The following ZNF580 variants were observed in gnomAD, a reference collection of about 807,000 sequenced individuals.
ZNF580 encodes LDL-induced EC protein.
A neutral mutation model predicts 1.3 loss-of-function variants in ZNF580; 1 was observed. The ratio of observed to expected loss-of-function variants is 0.77; its 90% CI spans 0.27 to 3.65. The LOEUF is 3.65. Ranked by LOEUF, ZNF580 falls within the 30% of genes most tolerant of loss-of-function variation. The probability of loss-of-function intolerance (pLI) is 0.19; values close to 1 mark genes in which losing one functional copy is unlikely to be tolerated. For missense variants in ZNF580, 268 were observed against 272.3 expected, an observed-to-expected ratio of 0.98 and a Z score of 0.11; for synonymous variants, 135 against 128.8, an observed-to-expected ratio of 1.05 and a Z score of -0.32.
At chr19:55,642,154 CAG>C in intron 1 of ZNF580, 1 of 1,056,308 alleles carries the variant, frequency 9.5e-7, no homozygotes, top group Non-Finnish European at 1.1e-6. Context: ...AAGAGGTAAA[CAG>C]ATTTAGGGAT....
chr19:55,642,576 C>A lies in ZNF580; in HGVS notation c.68C>A (p.Pro23His). The A allele has an allele frequency of 5.5e-6, 8 of 1,448,748 alleles. No homozygotes were observed. The highest frequency in any genetic ancestry group is 7.3e-6 in the Non-Finnish European group (8 of 1,100,902). 89.7% of individuals were successfully genotyped at this position (1,448,748 alleles called of 1,614,324 possible). A position where few individuals can be genotyped will look rare whatever the true frequency, so the allele number is the denominator to read the frequency against. The change falls in exon 2 of 2, where the codon CCC becomes CAC. Residue 23 changes from proline to histidine, a missense_variant. By Grantham distance (77) the Pro-to-His change is moderately conservative (BLOSUM62 -2). Transcript: ENST00000325333. ...SSSPEAMDPP[P>H]PKAPPFPKAE... Reference sequence around the variant, plus strand: ...TCTCCGGAGGCCATGGACCCACCGCCCCCCAAGGCTCCCCCTTTCCCCAAG... The same window carrying A: ...TCTCCGGAGGCCATGGACCCACCGCACCCCAAGGCTCCCCCTTTCCCCAAG...
intron 1 of ZNF580, among the ~76,000 whole-genome samples, chr19:55,641,516 A>C (rs1481263442): frequency 6.6e-6 from 1 of 152,154 alleles, no homozygotes; most frequent in African/African-American, 2.4e-5. Flanking sequence ...GGCTCCTGGA[A>C]GAGGTGAACA....
At chr19:55,641,476 C>T (rs1457453856) in intron 1 of ZNF580, among the ~76,000 whole-genome samples, 1 of 152,138 alleles carries the variant, frequency 6.6e-6, no homozygotes, top group Non-Finnish European at 1.5e-5. Context: ...GGGCGGGGGA[C>T]CACGCTGTGT....
chr19:55,641,935 T>C, intron 1 of ZNF580: 1 of 563,208 alleles, frequency 1.8e-6, no homozygotes, highest in Non-Finnish European at 2.2e-6. Flanking sequence ...AGAGAGGAAG[T>C]GAGGGAGGCC....
Position 55,642,754 on chromosome 19 carries a change from C to G in ZNF580, c.246C>G (p.Pro82=). 2.0e-6 allele frequency: 3 copies of G among 1,537,130 alleles called. No individual in the cohort carries two copies. Among genetic ancestry groups the G allele is most frequent in the Non-Finnish European group, 2.6e-6 (3 of 1,146,780 alleles). Residue 82 remains proline (P), a synonymous_variant, in exon 2 of 2, where the codon CCC becomes CCG. Transcript: ENST00000325333. Reference sequence around the variant, plus strand: ...GGGGCCCGCCCCAGCGCGAGGCGCCCCCAGGAGAGCCCGGCCCTCGCAAGG... The same window carrying G: ...GGGGCCCGCCCCAGCGCGAGGCGCCGCCAGGAGAGCCCGGCCCTCGCAAGG... ...EPRGPPQREA[P]PGEPGPRKGY...
chr19:55,641,262 G>A, intron 1 of ZNF580, 79 bp downstream of exon 1: 1 of 916,812 alleles, frequency 1.1e-6, no homozygotes, highest in Non-Finnish European at 1.3e-6. Flanking sequence ...GTGCGCTGGA[G>A]CCACCCGGGA....
At chr19:55,641,208 G>C (rs1022530924) in intron 1 of ZNF580, 25 bp downstream of exon 1, 1 of 984,466 alleles carries the variant, frequency 1.0e-6, no homozygotes, top group Non-Finnish European at 1.2e-6. Context: ...ATGGAGGGAG[G>C]AGCCTGGCCC....
chr19:55,642,790 C>T lies in ZNF580; in HGVS notation c.282C>T (p.Cys94=), dbSNP rs1982604289. 2 of 1,559,172 alleles carry T rather than the reference C, an allele frequency of 1.3e-6. No homozygotes were observed. The highest frequency in any genetic ancestry group is 1.4e-5 in the African/African-American group (1 of 73,242). The change falls in exon 2 of 2, where the codon TGC becomes TGT. Residue 94 remains cysteine, a synonymous_variant. Coordinates refer to ENST00000325333, the MANE Select transcript of ZNF580 (RefSeq NM_207115.2). The stretch of plus-strand genomic sequence containing the variant: ...CCGGCCCTCGCAAGGGCTACAGCTG[C>T]CCGGAGTGCGCCCGTGTCTTTGCCA... ...GEPGPRKGYS[C]PECARVFASP...
chr19:55,642,319 G>A (rs1316441487), intron 1 of ZNF580, 178 bp from the exon 2 acceptor site: 8 of 1,261,276 alleles, frequency 6.3e-6, no homozygotes, highest in Non-Finnish European at 3.0e-6. Context: ...CCCTCTCCGA[G>A]GCAGCTTGAT....
rs775565001 is a variant in ZNF580, at chr19:55,642,886, C to A, written c.378C>A (p.Gly126=). The change falls in exon 2 of 2, where the codon GGC becomes GGA. Residue 126 remains glycine, a synonymous_variant. Coordinates refer to ENST00000325333, the MANE Select transcript of ZNF580 (RefSeq NM_207115.2). ...AGCCCTTCACGTGCGGCGCCTGCGG[C>A]AAGGCCTTCAAGCGCTCCAGCCACC... ...DLKPFTCGAC[G]KAFKRSSHLS... 1 of 1,560,256 alleles carries A rather than the reference C, an allele frequency of 6.4e-7. No homozygotes were observed. Among genetic ancestry groups the A allele is most frequent in the East Asian group, 2.4e-5 (1 of 41,160 alleles).
chr19:55,641,333 C>T (rs1982457635), intron 1 of ZNF580, 150 bp downstream of exon 1: 2 of 484,446 alleles, frequency 4.1e-6, no homozygotes, highest in Non-Finnish European at 5.4e-6. Context: ...AGTCGAGGCG[C>T]CAGGGCTCCT....
At position 55,641,036 on chromosome 19, in the gene ZNF580, C is replaced by T; in HGVS notation, c.-160C>T. 1 of 985,142 alleles carries T rather than the reference C, an allele frequency of 1.0e-6. No homozygotes were observed. The highest frequency in any genetic ancestry group is 1.2e-6 in the Non-Finnish European group (1 of 829,744). The allele number at this position is 985,142 out of a possible 1,614,324, so 61.0% of individuals were successfully genotyped here. ...CAGGGACTCCGCCAACCCCTCGCACCCCCGCGCCCCCAGTCCCCGCGTCCC... is the reference window on the plus strand; with the variant it reads ...CAGGGACTCCGCCAACCCCTCGCACTCCCGCGCCCCCAGTCCCCGCGTCCC... On this transcript the variant is annotated 5_prime_UTR_variant, in exon 1 of 2. Transcript: ENST00000325333.
Position 55,641,032 on chromosome 19 carries a change from G to T in ZNF580, c.-164G>T, listed in dbSNP as rs1982427113. The T allele has an allele frequency of 1.0e-6, 1 of 985,226 alleles. No individual in the cohort carries two copies. Among genetic ancestry groups the T allele is most frequent in the African/African-American group, 1.7e-5 (1 of 57,320 alleles). 61.0% of individuals were successfully genotyped at this position (985,226 alleles called of 1,614,324 possible). A position where few individuals can be genotyped will look rare whatever the true frequency, so the allele number is the denominator to read the frequency against. ...TTCCCAGGGACTCCGCCAACCCCTC[G>T]CACCCCCGCGCCCCCAGTCCCCGCG... is the stretch of plus-strand genomic sequence containing the variant. On this transcript the variant is annotated 5_prime_UTR_variant, in exon 1 of 2. Coordinates refer to ENST00000325333, the MANE Select transcript of ZNF580 (RefSeq NM_207115.2).
At position 55,643,103 on chromosome 19, in the gene ZNF580, A is replaced by T; in HGVS notation, c.*76A>T. The T allele has an allele frequency of 7.6e-7, 1 of 1,318,288 alleles. No individual in the cohort carries two copies. Among genetic ancestry groups the T allele is most frequent in the South Asian group, 2.3e-5 (1 of 43,022 alleles). The allele number at this position is 1,318,288 out of a possible 1,614,324, so 81.7% of individuals were successfully genotyped here. A position where few individuals can be genotyped will look rare whatever the true frequency, so the allele number is the denominator to read the frequency against. On this transcript the variant is annotated 3_prime_UTR_variant, in exon 2 of 2. Transcript: ENST00000325333. ...GACCCACACAGCGTCACTCACTCCC[A>T]CACACACCCCCTGGCTCTGCTGAGG... is the stretch of plus-strand genomic sequence containing the variant.
rs2123625967 is a variant in ZNF580, at chr19:55,641,203, G to A, written c.-13+20G>A. 3.0e-6 allele frequency: 3 copies of A among 984,798 alleles called. No homozygotes were observed. Among genetic ancestry groups the A allele is most frequent in the African/African-American group, 3.5e-5 (2 of 57,348 alleles). The allele number at this position is 984,798 out of a possible 1,614,324, so 61.0% of individuals were successfully genotyped here. ...CACGGGGTACGGGGGCCGGGATGGA[G>A]GGAGGAGCCTGGCCCTGGGACGACG... On this transcript the variant is annotated intron_variant, in intron 1 of 1. Coordinates refer to ENST00000325333, the MANE Select transcript of ZNF580 (RefSeq NM_207115.2).
chr19:55,642,013 G>T lies in ZNF580; in HGVS notation c.-12-484G>T, dbSNP rs3745449. ...ACGGAGGGCCAGGAGGCCGATACGGGGGCCGGTGGGGGGGTAGGGGGCGGC... is the reference window on the plus strand; with the variant it reads ...ACGGAGGGCCAGGAGGCCGATACGGTGGCCGGTGGGGGGGTAGGGGGCGGC... On this transcript the variant is annotated intron_variant, in intron 1 of 1. Coordinates refer to ENST00000325333, the MANE Select transcript of ZNF580 (RefSeq NM_207115.2). The T allele has an allele frequency of 2.5e-5, 25 of 983,810 alleles. No homozygotes were observed. In the East Asian group the frequency reaches 2.7e-3, roughly 105 times the overall value. 60.9% of individuals were successfully genotyped at this position (983,810 alleles called of 1,614,324 possible).
At position 55,641,134 on chromosome 19, in the gene ZNF580, C is replaced by A. The variant is rs1048924412; in HGVS notation, c.-62C>A. ...GCGCTCGCCAGGGGAAGCCCGGGGCCGCCCGGGACCTCGGCCCGTTCCTCC... is the reference window on the plus strand; with the variant it reads ...GCGCTCGCCAGGGGAAGCCCGGGGCAGCCCGGGACCTCGGCCCGTTCCTCC... On this transcript the variant is annotated 5_prime_UTR_variant, in exon 1 of 2. Coordinates refer to ENST00000325333, the MANE Select transcript of ZNF580 (RefSeq NM_207115.2). 1.0e-6 allele frequency: 1 copy of A among 985,022 alleles called. No individual in the cohort carries two copies. Among genetic ancestry groups the A allele is most frequent in the Non-Finnish European group, 1.2e-6 (1 of 829,718 alleles). The allele number at this position is 985,022 out of a possible 1,614,324, so 61.0% of individuals were successfully genotyped here.
At chr19:55,641,462 G>C (rs895696177) in intron 1 of ZNF580, among the ~76,000 whole-genome samples, 2 of 152,338 alleles carry the variant, frequency 1.3e-5, no homozygotes, top group Admixed American at 1.3e-4. Flanking sequence ...CAGAGCAAAA[G>C]AACGGGCGGG....
intron 1 of ZNF580, chr19:55,642,240 T>A: frequency 8.2e-7 from 1 of 1,215,036 alleles, no homozygotes; most frequent in Non-Finnish European, 1.0e-6. Context: ...AGACCTGACC[T>A]GAGTGGTGAG....
Sources: allele counts gnomAD v4.1 joint callset (sites outside exome capture counted in the v4.1 genomes callset), GRCh38; gene constraint gnomAD v4.1.1; transcripts MANE v1.5; gene names NCBI Gene and HGNC (gene_info 2026-07-23, HGNC 2026-07-21).